Variants in RPTOR observed in about 807,000 individuals in gnomAD.
The protein encoded by RPTOR is regulatory-associated protein of mTOR.
In RPTOR, 21 loss-of-function variants were observed where a neutral mutation model predicts 169.9. The observed-to-expected ratio is 0.12, with a 90% confidence interval of 0.09 to 0.18. The LOEUF (loss-of-function observed/expected upper bound fraction) is 0.18, where lower values mean the gene tolerates loss of function less well. RPTOR is among the 10% of genes least tolerant of loss of function. The pLI is 1.00. For synonymous variants in RPTOR, 732 were observed against 753.2 expected (o/e 0.97, Z 0.46); for missense variants, 1,133 against 1,855.9 (o/e 0.61, Z 7.16).
intron 13 of RPTOR, among the ~76,000 whole-genome samples, chr17:80,862,732 G>A (rs2067933551): frequency 6.9e-6 from 1 of 145,778 alleles, no homozygotes. Flanking sequence ...GCCCCCACAT[G>A]ATGAGTGCCT....
chr17:80,653,149 G>A (rs1265151900), intron 3 of RPTOR, among the ~76,000 whole-genome samples: 1 of 152,182 alleles, frequency 6.6e-6, no homozygotes, highest in Non-Finnish European at 1.5e-5. Flanking sequence ...TATAATTTCT[G>A]TTGTGAGGAC....
At chr17:80,714,358 A>G (rs2066222337) in intron 4 of RPTOR, among the ~76,000 whole-genome samples, 1 of 152,204 alleles carries the variant, frequency 6.6e-6, no homozygotes, top group African/African-American at 2.4e-5. Flanking sequence ...ACCCCGACTT[A>G]ATTAACATTT....
intron 1 of RPTOR, among the ~76,000 whole-genome samples, chr17:80,568,945 G>A (rs933993795): frequency 9.2e-5 from 14 of 152,180 alleles, no homozygotes; most frequent in Non-Finnish European, 1.9e-4. Context: ...GATTACAGGT[G>A]TGAGCTGCAA....
chr17:80,809,060 G>A (rs1057335399), intron 7 of RPTOR, among the ~76,000 whole-genome samples: 1 of 152,244 alleles, frequency 6.6e-6, no homozygotes, highest in African/African-American at 2.4e-5. Context: ...TGGTAGGTGT[G>A]TGTTTAACTT....
intron 1 of RPTOR, among the ~76,000 whole-genome samples, chr17:80,580,665 TG>T (rs944538038): frequency 2.6e-5 from 4 of 152,286 alleles, no homozygotes; most frequent in Admixed American, 2.0e-4. Flanking sequence ...CTCCGTTGCC[TG>T]GGGTGGAGTG....
At chr17:80,951,674 G>A (rs2069180396) in intron 28 of RPTOR, among the ~76,000 whole-genome samples, 1 of 152,198 alleles carries the variant, frequency 6.6e-6, no homozygotes, top group Non-Finnish European at 1.5e-5. Context: ...AGTTCACTCG[G>A]CATCACAGAA....
intron 10 of RPTOR, among the ~76,000 whole-genome samples, chr17:80,840,497 CCA>C (rs1228101914): frequency 7.3e-6 from 1 of 137,440 alleles, no homozygotes; most frequent in Non-Finnish European, 1.6e-5. Flanking sequence ...CTCACTCTCA[CCA>C]CACGGCAGCT....
intron 10 of RPTOR, among the ~76,000 whole-genome samples, chr17:80,842,896 C>A (rs1357286082): frequency 6.6e-6 from 1 of 152,192 alleles, no homozygotes; most frequent in Non-Finnish European, 1.5e-5. Flanking sequence ...CCTCTGTTCC[C>A]TCCTTTGCAC....
chr17:80,655,147 A>G (rs900339488), intron 3 of RPTOR, among the ~76,000 whole-genome samples: 3 of 152,012 alleles, frequency 2.0e-5, no homozygotes, highest in African/African-American at 7.2e-5. Context: ...GTGCAGTGGC[A>G]TGATGTTGGC....
At position 80,791,550 on chromosome 17, in the gene RPTOR, A is replaced by G. The variant is rs748026440; in HGVS notation, c.890+41A>G. On this transcript the variant is annotated intron_variant, in intron 7 of 33. Coordinates refer to ENST00000306801, the MANE Select transcript of RPTOR (RefSeq NM_020761.3). ...AAGCTCTTGTGGCTCTCTGGATCTG[A>G]TGAGTTTCTTTTCCTTTTTGAAGGC... 9 of 1,573,864 alleles carry G rather than the reference A, an allele frequency of 5.7e-6. No homozygotes were observed. The South Asian group carries it at 9.2e-5, about 16-fold the overall frequency.
At chr17:80,784,948 A>G (rs575577019) in intron 6 of RPTOR, among the ~76,000 whole-genome samples, 9 of 151,908 alleles carry the variant, frequency 5.9e-5, no homozygotes, top group African/African-American at 2.2e-4. Flanking sequence ...CTGGTCTCGA[A>G]CTCCCAACCT....
intron 1 of RPTOR, among the ~76,000 whole-genome samples, chr17:80,568,321 C>G (rs1479038518): frequency 6.6e-6 from 1 of 152,172 alleles, no homozygotes; most frequent in Non-Finnish European, 1.5e-5. Flanking sequence ...GTATTTTGGT[C>G]ACATGTTTTC....
intron 25 of RPTOR, among the ~76,000 whole-genome samples, chr17:80,943,191 G>A (rs1276464914): frequency 2.0e-5 from 3 of 152,364 alleles, no homozygotes; most frequent in South Asian, 2.1e-4. Flanking sequence ...AGGCACAAGC[G>A]GAGGGGCTGT....
At position 80,730,465 on chromosome 17, in the gene RPTOR, C is replaced by A; in HGVS notation, c.508-95C>A. 1 of 1,407,150 alleles carries A rather than the reference C, an allele frequency of 7.1e-7. No homozygotes were observed. The highest frequency in any genetic ancestry group is 9.9e-7 in the Non-Finnish European group (1 of 1,007,792). 87.2% of individuals were successfully genotyped at this position (1,407,150 alleles called of 1,614,324 possible). On this transcript the variant is annotated intron_variant, in intron 4 of 33. Transcript: ENST00000306801. The surrounding 1 kb of genome is among the most constrained non-coding windows in gnomAD (Gnocchi z 4.2). ...ACTCAGCGTCTCTCCAGCCACCAGG[C>A]TCAATGTGTGTGCCTTTTGTAACGG...
chr17:80,716,444 T>G (rs2066240251), intron 4 of RPTOR, among the ~76,000 whole-genome samples: 1 of 152,082 alleles, frequency 6.6e-6, no homozygotes, highest in South Asian at 2.1e-4. Context: ...TTTGTTTGAG[T>G]TTGTTGTAGA....
intron 8 of RPTOR, among the ~76,000 whole-genome samples, chr17:80,822,627 G>A (rs2067392246): frequency 6.6e-6 from 1 of 152,234 alleles, no homozygotes; most frequent in African/African-American, 2.4e-5. Context: ...CAGAATTGCT[G>A]TTGTAAGACT....
chr17:80,545,556 G>A lies in RPTOR; in HGVS notation c.-74G>A. 1.8e-6 allele frequency: 2 copies of A among 1,141,550 alleles called. No homozygotes were observed. The highest frequency in any genetic ancestry group is 1.6e-5 in the African/African-American group (1 of 63,290). 70.7% of individuals were successfully genotyped at this position (1,141,550 alleles called of 1,614,324 possible). ...TTTGTTTCTTATTTCACCAATTCTG[G>A]TACACGCTAGTTTTTAAGGCTGGAG... On this transcript the variant is annotated 5_prime_UTR_variant, in exon 1 of 34. Coordinates refer to ENST00000306801, the MANE Select transcript of RPTOR (RefSeq NM_020761.3).
intron 1 of RPTOR, among the ~76,000 whole-genome samples, chr17:80,607,603 A>T (rs1338934762): frequency 1.6e-4 from 2 of 12,866 alleles, no homozygotes; most frequent in Non-Finnish European, 4.1e-4. Context: ...TGCCATTTAT[A>T]TATATATATA....
chr17:80,882,587 G>A (rs181668213), intron 14 of RPTOR, among the ~76,000 whole-genome samples: 166 of 152,258 alleles, frequency 1.1e-3, no homozygotes, highest in African/African-American at 3.3e-3. Context: ...AGTAAGCAGC[G>A]TTCAGACACC....
Sources: gnomAD v4.1 joint callset for allele counts (sites outside exome capture counted in the v4.1 genomes callset) on GRCh38, gnomAD v4.1.1 for gene constraint, Gnocchi (gnomAD v3.1) non-coding constraint, MANE v1.5 for transcripts, NCBI Gene and HGNC (gene_info 2026-07-23, HGNC 2026-07-21) for gene names.